The following FAM124A variants were observed in gnomAD, a reference collection of about 807,000 sequenced individuals.
FAM124A encodes family with sequence similarity 124 member A.
A neutral mutation model predicts 24.5 loss-of-function variants in FAM124A; 23 were observed. The ratio of observed to expected loss-of-function variants is 0.94; its 90% CI spans 0.68 to 1.33. FAM124A has a LOEUF of 1.33. Among genes scored for constraint, FAM124A ranks in the 40% most tolerant of loss-of-function variants. The pLI is 0.00. For missense variants in FAM124A, 623 were observed against 722.8 expected, an observed-to-expected ratio of 0.86 and a Z score of 1.58; for synonymous variants, 287 against 314.7, an observed-to-expected ratio of 0.91 and a Z score of 0.93.
In FAM124A at chr13:51,222,415, C is replaced by A. The variant is rs1264155024; in HGVS notation, c.-87C>A. 4.5e-6 allele frequency: 5 copies of A among 1,118,270 alleles called. No homozygotes were observed. Among genetic ancestry groups the A allele is most frequent in the Non-Finnish European group, 5.5e-6 (5 of 904,980 alleles). The allele number at this position is 1,118,270 out of a possible 1,614,324, so 69.3% of individuals were successfully genotyped here. On this transcript the variant is annotated 5_prime_UTR_variant, in exon 1 of 4. Transcript: ENST00000322475. ...GGGCCGCCAGACGCTCGGAGGGAGC[C>A]CGGCCGGCTCGGACTGGGCGGCCGG...
At position 51,254,862 on chromosome 13, in the gene FAM124A, T is replaced by G. The variant is rs535350487; in HGVS notation, c.834+2661T>G. Among the ~76,000 whole-genome samples the G allele has an allele frequency of 4.6e-5, 7 of 152,316 alleles. 1 individual carries two copies. In the South Asian group the frequency reaches 1.5e-3, roughly 32 times the overall value. ...ACTTTCTATTAAAGAATATTATTAA[T>G]TATGTATATACCAAAAAGTTCACAT... On this transcript the variant is annotated intron_variant, in intron 3 of 3. Transcript: ENST00000322475.
chr13:51,234,232 C>T (rs1170288611), intron 2 of FAM124A, among the ~76,000 whole-genome samples: 1 of 152,204 alleles, frequency 6.6e-6, no homozygotes, highest in African/African-American at 2.4e-5. Context: ...CCTGAGTTCA[C>T]AGGGGCAGAA....
chr13:51,248,300 C>A (rs925975593), intron 2 of FAM124A, among the ~76,000 whole-genome samples: 7 of 152,206 alleles, frequency 4.6e-5, no homozygotes, highest in African/African-American at 1.7e-4. Context: ...ATATACTCCT[C>A]TCCAACTTTT....
intron 2 of FAM124A, among the ~76,000 whole-genome samples, chr13:51,242,461 G>A (rs746493948): frequency 1.6e-4 from 24 of 152,134 alleles, no homozygotes; most frequent in South Asian, 4.1e-4. Context: ...ACTTACACAC[G>A]TATGCTAGAT....
intron 1 of FAM124A, among the ~76,000 whole-genome samples, chr13:51,223,261 C>A (rs1484963545): frequency 6.6e-6 from 1 of 151,536 alleles, no homozygotes; most frequent in Admixed American, 6.6e-5. Context: ...CCTTTGGAGA[C>A]TAATTAGTTA....
intron 2 of FAM124A, among the ~76,000 whole-genome samples, chr13:51,236,580 C>T (rs1077728): frequency 0.22 from 33,542 of 152,202 alleles, 3,713 homozygotes; most frequent in East Asian, 0.33. Flanking sequence ...ATGGAAAAGA[C>T]ATGATTGCAT....
chr13:51,242,416 T>TC (rs1954507250), intron 2 of FAM124A, among the ~76,000 whole-genome samples: 1 of 152,230 alleles, frequency 6.6e-6, no homozygotes, highest in African/African-American at 2.4e-5. Context: ...CTGCATTACT[T>TC]CTCATAAACT....
chr13:51,223,195 CT>C (rs5803559), intron 1 of FAM124A, among the ~76,000 whole-genome samples: 67,804 of 146,756 alleles, frequency 0.46, 16,025 homozygotes, highest in East Asian at 0.65. Flanking sequence ...CTAGCCCTGC[CT>C]TTTTTTTTTT....
intron 2 of FAM124A, among the ~76,000 whole-genome samples, chr13:51,250,839 G>C (rs1954612412): frequency 6.6e-6 from 1 of 152,230 alleles, no homozygotes; most frequent in Non-Finnish European, 1.5e-5. Flanking sequence ...CTGTGGGCAG[G>C]ACTCATCAAC....
intron 3 of FAM124A, among the ~76,000 whole-genome samples, chr13:51,270,135 G>T (rs1354492576): frequency 1.3e-5 from 2 of 152,150 alleles, no homozygotes; most frequent in East Asian, 3.9e-4. Context: ...GGTGGGCCCA[G>T]CCTGAATCAG....
chr13:51,269,259 T>C (rs1031222747), intron 3 of FAM124A, among the ~76,000 whole-genome samples: 1 of 152,200 alleles, frequency 6.6e-6, no homozygotes, highest in Non-Finnish European at 1.5e-5. Flanking sequence ...ATAGAAATAA[T>C]ACAGTAAAAA....
At chr13:51,246,412 G>GGGT (rs1566165833) in intron 2 of FAM124A, among the ~76,000 whole-genome samples, 11 of 135,166 alleles carry the variant, frequency 8.1e-5, no homozygotes, top group Non-Finnish European at 1.3e-4. Flanking sequence ...GGTGGGGGGG[G>GGGT]GTGTAACTCT....
At chr13:51,234,755 C>G (rs1207266416) in intron 2 of FAM124A, among the ~76,000 whole-genome samples, 5 of 152,184 alleles carry the variant, frequency 3.3e-5, no homozygotes, top group Non-Finnish European at 7.4e-5. Flanking sequence ...AATCTGGAAG[C>G]CTGGGCATCC....
At chr13:51,227,135 C>G (rs1027073645) in intron 1 of FAM124A, 1 of 152,182 alleles carries the variant, frequency 6.6e-6, no homozygotes, top group African/African-American at 2.4e-5. Context: ...GTTTTTCAAA[C>G]TCATCACAAT....
Position 51,251,550 on chromosome 13 carries a change from G to A in FAM124A, c.183G>A (p.Leu61=), listed in dbSNP as rs1443055285. The change falls in exon 3 of 4, where the codon CTG becomes CTA. Residue 61 remains leucine, a synonymous_variant. Transcript: ENST00000322475. The surrounding 1 kb of genome is among the most constrained non-coding windows in gnomAD (Gnocchi z 5.3). ...CAGACCCAGGGGAGTCCCAGCCCCT[G>A]CAGGAGGCCATCGACAACGTCCTGG... ...IIADPGESQP[L]QEAIDNVLAW... The A allele has an allele frequency of 6.5e-7, 1 of 1,531,744 alleles. No homozygotes were observed. The highest frequency in any genetic ancestry group is 8.8e-7 in the Non-Finnish European group (1 of 1,137,634). The allele number at this position is 1,531,744 out of a possible 1,614,324, so 94.9% of individuals were successfully genotyped here. A position where few individuals can be genotyped will look rare whatever the true frequency, so the allele number is the denominator to read the frequency against.
At chr13:51,259,930 G>C (rs1236279702) in intron 3 of FAM124A, among the ~76,000 whole-genome samples, 2 of 152,332 alleles carry the variant, frequency 1.3e-5, no homozygotes, top group Non-Finnish European at 2.9e-5. Context: ...TGGGCTGGTA[G>C]GGGTGTGTGC....
chr13:51,234,074 C>T (rs1954408914), intron 2 of FAM124A, among the ~76,000 whole-genome samples: 1 of 152,218 alleles, frequency 6.6e-6, no homozygotes. Context: ...CTGTCAGCCT[C>T]TCTCGACTCA....
At chr13:51,255,006 A>T (rs1335041049) in intron 3 of FAM124A, among the ~76,000 whole-genome samples, 1 of 151,924 alleles carries the variant, frequency 6.6e-6, no homozygotes, top group Non-Finnish European at 1.5e-5. Context: ...CCGCCCTGGG[A>T]CTCCCTCCAC....
chr13:51,274,624 G>T (rs73490200), intron 3 of FAM124A, among the ~76,000 whole-genome samples: 9,332 of 151,870 alleles, frequency 0.061, 587 homozygotes, highest in East Asian at 0.17. Flanking sequence ...AATATTTATT[G>T]GTATTTATGA....
Sources: allele counts gnomAD v4.1 joint callset (sites outside exome capture counted in the v4.1 genomes callset), GRCh38; gene constraint gnomAD v4.1.1; non-coding constraint Gnocchi (gnomAD v3.1); transcripts MANE v1.5; gene names NCBI Gene and HGNC (gene_info 2026-07-23, HGNC 2026-07-21).